KCNQ3: variants seen among roughly 807,000 people sequenced by gnomAD.
KCNQ3 encodes potassium voltage-gated channel subfamily Q member 3.
KCNQ3 carries 30 observed loss-of-function variants against 92.5 expected under a neutral mutation model. That is an observed-to-expected ratio of 0.32 (90% CI 0.24 to 0.44). KCNQ3 has a LOEUF of 0.44. KCNQ3 is among the 20% of genes least tolerant of loss of function. The probability of loss-of-function intolerance (pLI) is 1.00; values close to 1 mark genes in which losing one functional copy is unlikely to be tolerated. For synonymous variants in KCNQ3, 450 were observed against 468.8 expected, an observed-to-expected ratio of 0.96 and a Z score of 0.52; for missense variants, 913 against 1,140.3, an observed-to-expected ratio of 0.80 and a Z score of 2.87.
intron 1 of KCNQ3, among the ~76,000 whole-genome samples, chr8:132,189,762 G>A (rs1323537630): frequency 6.6e-6 from 1 of 151,668 alleles, no homozygotes; most frequent in Non-Finnish European, 1.5e-5. Context: ...GGAGGCGGAG[G>A]TTGCGGTGAG....
Position 132,400,629 on chromosome 8 carries a change from A to T in KCNQ3, c.386+79518T>A, listed in dbSNP as rs1820308750. On this transcript the variant is annotated intron_variant, in intron 1 of 14. Transcript: ENST00000388996. ...CCACGTGGGTACAGGAAAGCAGCAG[A>T]TGTGCTCTCTGAAAGGATCTTCTCT... 2.0e-5 allele frequency among the ~76,000 whole-genome samples: 3 copies of T among 152,206 alleles called. No individual in the cohort carries two copies. In the South Asian group the frequency reaches 6.2e-4, roughly 31 times the overall value.
chr8:132,151,791 T>C (rs1217344844), intron 9 of KCNQ3, among the ~76,000 whole-genome samples: 2 of 152,230 alleles, frequency 1.3e-5, no homozygotes, highest in Non-Finnish European at 2.9e-5. Flanking sequence ...TTTGGATGTT[T>C]CAGAGGGCCT....
In KCNQ3 at chr8:132,121,387, G is replaced by A. The variant is rs796464429; in HGVS notation, c.*7875C>T. The A allele has an allele frequency of 7.9e-5, 12 of 152,260 alleles. No individual in the cohort carries two copies. Among genetic ancestry groups the A allele is most frequent in the African/African-American group, 2.9e-4 (12 of 41,550 alleles). 9.4% of individuals were successfully genotyped at this position (152,260 alleles called of 1,614,324 possible). A position where few individuals can be genotyped will look rare whatever the true frequency, so the allele number is the denominator to read the frequency against. ...TGAAGTCCACCTATCTTTCTAAGTT[G>A]ATTTTTCAGGATGGCACAGAGCCGA... is the stretch of plus-strand genomic sequence containing the variant. On this transcript the variant is annotated 3_prime_UTR_variant, in exon 15 of 15. Transcript: ENST00000388996.
At chr8:132,326,505 T>C (rs1273778161) in intron 1 of KCNQ3, among the ~76,000 whole-genome samples, 3 of 152,294 alleles carry the variant, frequency 2.0e-5, no homozygotes, top group Middle Eastern at 3.4e-3. Context: ...CCAAAGTTCA[T>C]ATTGAAATTT....
At chr8:132,209,201 C>A (rs72719117) in intron 1 of KCNQ3, among the ~76,000 whole-genome samples, 1 of 152,122 alleles carries the variant, frequency 6.6e-6, no homozygotes, top group East Asian at 1.9e-4. Context: ...GGTGGTCAGA[C>A]TTCCCATTCA....
At chr8:132,478,701 AC>A in intron 1 of KCNQ3, among the ~76,000 whole-genome samples, 1 of 151,168 alleles carries the variant, frequency 6.6e-6, no homozygotes, top group East Asian at 1.9e-4. Context: ...AAAATGCCCC[AC>A]TCCCACCCCA....
rs991598615 is a variant in KCNQ3 at position 132,476,271 on chromosome 8, C to G, written c.386+3876G>C. ...AGAGGAAATGTGAGGTTGGAACCCC[C>G]ACACAGAATCCCCAATGGGACACTG... On this transcript the variant is annotated intron_variant, in intron 1 of 14. Coordinates refer to ENST00000388996, the MANE Select transcript of KCNQ3 (RefSeq NM_004519.4). 3.3e-5 allele frequency among the ~76,000 whole-genome samples: 5 copies of G among 152,242 alleles called. No homozygotes were observed. In the South Asian group the frequency reaches 1.0e-3, roughly 31 times the overall value.
At chr8:132,236,937 A>C (rs1351084268) in intron 1 of KCNQ3, among the ~76,000 whole-genome samples, 1 of 152,256 alleles carries the variant, frequency 6.6e-6, no homozygotes, top group Non-Finnish European at 1.5e-5. Flanking sequence ...GCAAGGAAAC[A>C]GAGACCTCAG....
intron 9 of KCNQ3, among the ~76,000 whole-genome samples, chr8:132,148,090 A>T (rs1864768): frequency 0.54 from 81,440 of 151,972 alleles, 22,163 homozygotes; most frequent in African/African-American, 0.6. Flanking sequence ...AGTTGCTGTC[A>T]GTGCTTATTT....
chr8:132,217,766 C>CA (rs1473620830), intron 1 of KCNQ3, among the ~76,000 whole-genome samples: 23 of 148,098 alleles, frequency 1.6e-4, no homozygotes, highest in Non-Finnish European at 1.6e-4. Context: ...GAGTATCTTT[C>CA]AATAAGTGCA....
chr8:132,250,148 C>T (rs558046722), intron 1 of KCNQ3, among the ~76,000 whole-genome samples: 11 of 152,308 alleles, frequency 7.2e-5, no homozygotes, highest in South Asian at 2.1e-4. Flanking sequence ...ATGGTCAGAG[C>T]GGACGCCGAG....
chr8:132,309,443 C>T (rs796477598), intron 1 of KCNQ3, among the ~76,000 whole-genome samples: 8 of 152,248 alleles, frequency 5.3e-5, no homozygotes, highest in African/African-American at 1.9e-4. Flanking sequence ...GGCAAATTTC[C>T]AGGGTCACAG....
chr8:132,467,616 G>A (rs1446810118), intron 1 of KCNQ3, among the ~76,000 whole-genome samples: 1 of 152,180 alleles, frequency 6.6e-6, no homozygotes, highest in Admixed American at 6.5e-5. Flanking sequence ...AGCCCGACCT[G>A]CGTTTACTCC....
chr8:132,431,905 G>A (rs771024602), intron 1 of KCNQ3, among the ~76,000 whole-genome samples: 5 of 152,138 alleles, frequency 3.3e-5, no homozygotes, highest in Admixed American at 6.5e-5. Flanking sequence ...GACTGGGTCC[G>A]GGGGCCTGGA....
At chr8:132,468,006 C>T (rs376223831) in intron 1 of KCNQ3, among the ~76,000 whole-genome samples, 30 of 152,326 alleles carry the variant, frequency 2.0e-4, no homozygotes, top group African/African-American at 6.0e-4. Context: ...CTCAAAGTTC[C>T]GTTCCAGCTC....
At chr8:132,439,212 C>T (rs180733454) in intron 1 of KCNQ3, among the ~76,000 whole-genome samples, 11 of 151,872 alleles carry the variant, frequency 7.2e-5, no homozygotes, top group African/African-American at 2.7e-4. Context: ...CTGGACTGAG[C>T]GGCAAACTCA....
At chr8:132,472,979 G>A (rs1353004150) in intron 1 of KCNQ3, among the ~76,000 whole-genome samples, 1 of 152,184 alleles carries the variant, frequency 6.6e-6, no homozygotes. Context: ...GGAAATTCAG[G>A]AAGGTTGAGC....
chr8:132,129,352 G>T lies in KCNQ3; in HGVS notation c.2529C>A (p.Asp843Glu). 6.2e-7 allele frequency: 1 copy of T among 1,614,210 alleles called. No homozygotes were observed. ...LAEGETDTDTDPFTPSGSMPL... is the reference protein window; with the variant it reads ...LAEGETDTDTEPFTPSGSMPL... ...GCATGGAGCCGCTGGGCGTGAAGGG[G>T]TCCGTGTCTGTGTCCGTCTCACCCT... The change falls in exon 15 of 15, where the codon GAC (aspartate) becomes GAA (glutamate). Residue 843 changes from aspartate (D) to glutamate (E), a missense_variant. Coordinates refer to ENST00000388996, the MANE Select transcript of KCNQ3 (RefSeq NM_004519.4). This position sits in a 1 kb window ranked among gnomAD's most constrained non-coding sequence, Gnocchi z 5.9.
intron 1 of KCNQ3, among the ~76,000 whole-genome samples, chr8:132,423,564 A>T (rs1405338324): frequency 6.6e-6 from 1 of 152,234 alleles, no homozygotes; most frequent in East Asian, 1.9e-4. Context: ...CTTCGTCTGT[A>T]GCATGAGGTC....
Sources: gnomAD v4.1 joint callset for allele counts (sites outside exome capture counted in the v4.1 genomes callset) on GRCh38, gnomAD v4.1.1 for gene constraint, Gnocchi (gnomAD v3.1) non-coding constraint, MANE v1.5 for transcripts, NCBI Gene and HGNC (gene_info 2026-07-23, HGNC 2026-07-21) for gene names.